MXRA5: variants seen among roughly 807,000 people sequenced by gnomAD.
MXRA5 encodes the protein matrix remodeling associated 5.
Under a neutral mutation model 112.5 loss-of-function variants are expected in MXRA5, and 41 were observed. The observed-to-expected ratio is 0.36, with a 90% CI of 0.28 to 0.47. The LOEUF (loss-of-function observed/expected upper bound fraction) is 0.47, where lower values mean the gene tolerates loss of function less well. Among genes scored for constraint, MXRA5 ranks in the 20% least tolerant of loss-of-function variants. The probability of loss-of-function intolerance (pLI) is 0.99; values close to 1 mark genes in which losing one functional copy is unlikely to be tolerated. For missense variants in MXRA5, 2,150 were observed against 2,251.0 expected (o/e 0.96, Z 0.91); for synonymous variants, 862 against 900.8 (o/e 0.96, Z 0.77).
rs779195552 is a variant in MXRA5, at chrX:3,310,250, A to G, written c.7953T>C (p.Asn2651=). 7 of 1,209,379 alleles carry G rather than the reference A, an allele frequency of 5.8e-6. No individual in the cohort carries two copies. In the East Asian group the frequency reaches 1.5e-4, roughly 26 times the overall value. Residue 2651 remains asparagine (N), a synonymous_variant, in exon 7 of 7, where the codon AAT becomes AAC. Transcript: ENST00000217939. ...KQYHNLVSII[N]GETLKLPCTP... The stretch of plus-strand genomic sequence containing the variant: ...TGCAGGGGAGCTTCAGGGTCTCACC[A>G]TTGATGATGCTGACCAGGTTATGAT...
Position 3,309,984 on chromosome X carries a change from G to A in MXRA5, c.8219C>T (p.Thr2740Ile), listed in dbSNP as rs1920969799. The change falls in exon 7 of 7, where the codon ACC becomes ATC. Residue 2740 changes from threonine (T) to isoleucine (I), a missense_variant. This residue lies in a region of MXRA5 where 178 missense variants were observed against 198.2 expected (regional missense o/e 0.90). Transcript: ENST00000217939. Reference protein sequence around the residue: ...AYPPRITSEPTPVIYTRPGNT... With the variant: ...AYPPRITSEPIPVIYTRPGNT... ...CCCGGGCCGGGTGTAGATGACCGGG[G>A]TGGGCTCGCTGGTGATCCGGGGAGG... 1.7e-6 allele frequency: 2 copies of A among 1,211,265 alleles called. No individual in the cohort carries two copies. The highest frequency in any genetic ancestry group is 2.2e-6 in the Non-Finnish European group (2 of 895,312).
rs751358454 is a variant in MXRA5 at position 3,316,315 on chromosome X, AAAAT to A, written c.6578+784_6578+787del. 7.3e-3 allele frequency among the ~76,000 whole-genome samples: 617 copies of A among 84,918 alleles called. 15 individuals carry two copies. Among genetic ancestry groups the A allele is most frequent in the East Asian group, 0.032 (86 of 2,730 alleles). The allele number at this position is 84,918 out of a possible 115,157, so 73.7% of individuals were successfully genotyped here. A position where few individuals can be genotyped will look rare whatever the true frequency, so the allele number is the denominator to read the frequency against. Reference sequence around the variant, plus strand: ...GGCCACAGAGCGAGATTCCGTCTCAAAAATAAATAAATAAATAAATAAATAAATA... The same window carrying A: ...GGCCACAGAGCGAGATTCCGTCTCAAAAATAAATAAATAAATAAATAAATA... On this transcript the variant is annotated intron_variant, in intron 6 of 6. Coordinates refer to ENST00000217939, the MANE Select transcript of MXRA5 (RefSeq NM_015419.4).
At chrX:3,316,619 T>C (rs1298875117) in intron 6 of MXRA5, among the ~76,000 whole-genome samples, 2 of 105,202 alleles carry the variant, frequency 1.9e-5, no homozygotes, top group Non-Finnish European at 3.9e-5. Context: ...CAGTGAGCTA[T>C]GATCGCACCA....
In MXRA5 at chrX:3,330,669, G is replaced by C; in HGVS notation, c.293C>G (p.Ala98Gly). Residue 98 changes from alanine to glycine, a missense_variant, in exon 3 of 7, where the codon GCT becomes GGT. Coordinates refer to ENST00000217939, the MANE Select transcript of MXRA5 (RefSeq NM_015419.4). ...GNEIPSIPDG[A>G]LRDLSSLQVF... ...CTGAAGAGAGCTGAGGTCTCTTAAA[G>C]CTCCATCGGGGATGCTTGGGATCTC... 8.3e-7 allele frequency: 1 copy of C among 1,209,707 alleles called. No homozygotes were observed. The highest frequency in any genetic ancestry group is 1.7e-5 in the African/African-American group (1 of 57,529).
At chrX:3,336,903 A>G (rs1345276189) in intron 2 of MXRA5, among the ~76,000 whole-genome samples, 1 of 111,979 alleles carries the variant, frequency 8.9e-6, no homozygotes, top group Non-Finnish European at 1.9e-5. Context: ...TCTGCAACGC[A>G]GTCACAGCTA....
chrX:3,339,189 C>T (rs1010247356), intron 2 of MXRA5, among the ~76,000 whole-genome samples: 8 of 111,194 alleles, frequency 7.2e-5, no homozygotes, highest in African/African-American at 2.3e-4. Context: ...AAGTCTGGGA[C>T]GGGCTCCACA....
chrX:3,329,319 A>AGAAGGAATGAATGAAGGAAAAAAGAAG (rs1921597263), intron 4 of MXRA5, among the ~76,000 whole-genome samples: 1 of 88,446 alleles, frequency 1.1e-5, no homozygotes, highest in African/African-American at 4.1e-5. Flanking sequence ...GAAGGAAAAA[A>AGAAGGAATGAATGAAGGAAAAAAGAAG]GAAGGAAGGA....
At chrX:3,336,996 GCAT>G (rs1361504829) in intron 2 of MXRA5, among the ~76,000 whole-genome samples, 4 of 111,660 alleles carry the variant, frequency 3.6e-5, no homozygotes, top group Non-Finnish European at 7.5e-5. Flanking sequence ...TTAGCAAGAA[GCAT>G]GACTAGAAAG....
Position 3,310,408 on chromosome X carries a change from C to T in MXRA5, c.7795G>A (p.Gly2599Ser), listed in dbSNP as rs1437740000. ...QLQRFYHKAD[G>S]MLHISGLSSV... ...GAGAGACCGCTAATGTGTAGCATGC[C>T]GTCAGCCTTGTGGTAGAAGCGCTGC... Residue 2599 changes from glycine to serine, a missense_variant, in exon 7 of 7, where the codon GGC becomes AGC. This residue lies in a region of MXRA5 where 4 missense variants were observed against 16.9 expected (regional missense o/e 0.24). Transcript: ENST00000217939. 8.3e-7 allele frequency: 1 copy of T among 1,199,742 alleles called. No individual in the cohort carries two copies. Among genetic ancestry groups the T allele is most frequent in the Admixed American group, 2.2e-5 (1 of 44,835 alleles).
At chrX:3,325,097 G>A (rs758005071) in intron 4 of MXRA5, 122 bp from the exon 5 acceptor site, 183 of 859,690 alleles carry the variant, frequency 2.1e-4, no homozygotes, top group Non-Finnish European at 2.7e-4. Context: ...CCATAAACAA[G>A]GAATCCTATA....
In MXRA5 at chrX:3,320,623, T is replaced by C; in HGVS notation, c.5062A>G (p.Thr1688Ala). Residue 1688 changes from threonine (T) to alanine (A), a missense_variant, in exon 5 of 7, where the codon ACT (threonine) becomes GCT (alanine). Thr to Ala is a moderately conservative substitution (Grantham distance 58). Coordinates refer to ENST00000217939, the MANE Select transcript of MXRA5 (RefSeq NM_015419.4). Reference sequence around the variant, plus strand: ...TTGAATTGGTCAGTTCTTCGGTCAGTAAACTTACTAGGAATGCTGGGTTTG... The same window carrying C: ...TTGAATTGGTCAGTTCTTCGGTCAGCAAACTTACTAGGAATGCTGGGTTTG... ...MSKPSIPSKFTDRRTDQFNGY... is the reference protein window; with the variant it reads ...MSKPSIPSKFADRRTDQFNGY... The C allele has an allele frequency of 8.3e-7, 1 of 1,211,877 alleles. No individual in the cohort carries two copies. Among genetic ancestry groups the C allele is most frequent in the Non-Finnish European group, 1.1e-6 (1 of 895,343 alleles).
chrX:3,311,630 GA>G lies in MXRA5; in HGVS notation c.6579-7del, dbSNP rs753150083. 2 of 1,178,920 alleles carry G rather than the reference GA, an allele frequency of 1.7e-6. No individual in the cohort carries two copies. The highest frequency in any genetic ancestry group is 2.3e-6 in the Non-Finnish European group (2 of 875,314). On this transcript the variant is annotated splice_region_variant and splice_polypyrimidine_tract_variant and intron_variant, in intron 6 of 6. Coordinates refer to ENST00000217939, the MANE Select transcript of MXRA5 (RefSeq NM_015419.4). ...CCTTGATTCTGCTATCAAAACTACA[GA>G]AAAAAAGAAAAAGGAGTAAGATGTC...
intron 2 of MXRA5, among the ~76,000 whole-genome samples, chrX:3,336,591 G>T (rs1921788964): frequency 8.9e-6 from 1 of 111,956 alleles, no homozygotes; most frequent in Non-Finnish European, 1.9e-5. Context: ...TCCTTTTGGG[G>T]TGGTGAAAAT....
In MXRA5 at chrX:3,343,820, G is replaced by A. The variant is rs368706975; in HGVS notation, c.14C>T (p.Ala5Val). The A allele has an allele frequency of 4.2e-6, 5 of 1,200,058 alleles. No homozygotes were observed. The highest frequency in any genetic ancestry group is 1.8e-5 in the African/African-American group (1 of 56,940). ...CACCACGGAGAGGGCCCCCCAGTGC[G>A]CGCGCTTGGGCATCTTGTCGGGGTG... The part of the protein sequence containing the change: MPKR[A>V]HWGALSVVLI... Residue 5 changes from alanine to valine, a missense_variant, in exon 2 of 7, where the codon GCG (alanine) becomes GTG (valine). Physicochemically the swap from Ala to Val is moderately conservative, Grantham distance 64. Around this residue, in one of 6 missense-constraint regions of MXRA5, gnomAD observed 386 missense variants for 411.0 expected, o/e 0.94. Transcript: ENST00000217939.
At chrX:3,343,943 A>T (rs1922048787) in intron 1 of MXRA5, 82 bp from the exon 2 acceptor site, 2 of 836,713 alleles carry the variant, frequency 2.4e-6, no homozygotes, top group Non-Finnish European at 3.4e-6. Context: ...TGAATTGTGC[A>T]TCAGGGTTTC....
rs747312988 is a variant in MXRA5 at position 3,317,512 on chromosome X, T to C, written c.6169A>G (p.Ile2057Val). ...ATGCTGAGCCCCGGGGGCAGCGAGA[T>C]GTTCTCCAGCTTCTCCTGGTGGATA... ...PVIHQEKLEN[I>V]SLPPGLSIHI... Residue 2057 changes from isoleucine to valine, a missense_variant, in exon 6 of 7, where the codon ATC becomes GTC. Physicochemically the swap from Ile to Val is conservative, Grantham distance 29 (BLOSUM62 3). Coordinates refer to ENST00000217939, the MANE Select transcript of MXRA5 (RefSeq NM_015419.4). 2.2e-5 allele frequency: 27 copies of C among 1,203,038 alleles called. No individual in the cohort carries two copies. Among genetic ancestry groups the C allele is most frequent in the Non-Finnish European group, 2.7e-5 (24 of 891,491 alleles).
Position 3,320,298 on chromosome X carries a change from G to A in MXRA5, c.5387C>T (p.Thr1796Met), listed in dbSNP as rs376762981. Reference sequence around the variant, plus strand: ...CTGTAAGTTAGTTGAGGGTGATCCCGTGGTCTGCGGAGTGTGCAACAACGG... The same window carrying A: ...CTGTAAGTTAGTTGAGGGTGATCCCATGGTCTGCGGAGTGTGCAACAACGG... ...APPLLHTPQT[T>M]GSPSTNLQNI... Residue 1796 changes from threonine (T) to methionine (M), a missense_variant, in exon 5 of 7, where the codon ACG becomes ATG. By Grantham distance (81) the Thr-to-Met change is moderately conservative. This residue lies in a region of MXRA5 where 1,485 missense variants were observed against 1,471.6 expected (regional missense o/e 1.01). Transcript: ENST00000217939. The A allele has an allele frequency of 2.5e-6, 3 of 1,209,984 alleles. No individual in the cohort carries two copies. In the African/African-American group the frequency reaches 5.2e-5, roughly 21 times the overall value.
chrX:3,311,451 T>C lies in MXRA5; in HGVS notation c.6752A>G (p.Asn2251Ser). The change falls in exon 7 of 7, where the codon AAC (asparagine) becomes AGC (serine). Residue 2251 changes from asparagine to serine, a missense_variant. Transcript: ENST00000217939. ...ACCCCCGTAGAAGACTTTGTGGTCG[T>C]TCTCCTCCTTGTGTTCAATCTTGGC... ...KPAKIEHKEENDHKVFYGGDL... is the reference protein window; with the variant it reads ...KPAKIEHKEESDHKVFYGGDL... 8.3e-7 allele frequency: 1 copy of C among 1,211,819 alleles called. No homozygotes were observed. The highest frequency in any genetic ancestry group is 2.2e-5 in the Admixed American group (1 of 46,061).
intron 1 of MXRA5, among the ~76,000 whole-genome samples, chrX:3,345,963 G>C (rs1262008154): frequency 8.9e-6 from 1 of 112,801 alleles, no homozygotes; most frequent in African/African-American, 3.2e-5. Context: ...CACTCTAGGC[G>C]TTGGGCTGTC....
Sources: allele counts gnomAD v4.1 joint callset (sites outside exome capture counted in the v4.1 genomes callset), GRCh38; gene constraint gnomAD v4.1.1; regional missense constraint gnomAD v4.1.1; transcripts MANE v1.5; gene names NCBI Gene and HGNC (gene_info 2026-07-23, HGNC 2026-07-21).